The following CCDC169 variants were observed in gnomAD, a reference collection of about 807,000 sequenced individuals.
CCDC169 encodes the protein coiled-coil domain-containing protein 169.
In CCDC169, 30 loss-of-function variants were observed where a neutral mutation model predicts 36.0. The observed-to-expected ratio is 0.83, with a 90% CI of 0.62 to 1.13. CCDC169 has a LOEUF of 1.13. Among genes scored for constraint, CCDC169 ranks in the 50% most tolerant of loss-of-function variants. The pLI is 0.00. For synonymous variants in CCDC169, 85 were observed against 81.5 expected (o/e 1.04, Z -0.23); for missense variants, 245 against 245.9 (o/e 1.00, Z 0.03).
chr13:36,237,521 A>G (rs1235620543), intron 7 of CCDC169, among the ~76,000 whole-genome samples: 1 of 152,202 alleles, frequency 6.6e-6, no homozygotes, highest in East Asian at 1.9e-4. Flanking sequence ...AATAGTGAAG[A>G]GGTGTAAACA....
chr13:36,263,769 A>G (rs145355593), intron 4 of CCDC169, among the ~76,000 whole-genome samples: 317 of 152,338 alleles, frequency 2.1e-3, no homozygotes, highest in South Asian at 9.3e-3. Context: ...CCCCAAATAC[A>G]AATTTGCTCC....
intron 7 of CCDC169, among the ~76,000 whole-genome samples, chr13:36,240,391 C>T (rs146824776): frequency 0.011 from 1,617 of 152,026 alleles, 20 homozygotes; most frequent in African/African-American, 0.036. Context: ...TATAGGTAAG[C>T]GTTTTTCTAT....
downstream of CCDC169, chr13:36,227,523 C>G: frequency 1.3e-6 from 1 of 782,860 alleles, no homozygotes. Flanking sequence ...AATAAAAGCT[C>G]TATACCCAGT....
At chr13:36,293,084 GGA>G (rs1879100439) in intron 2 of CCDC169, among the ~76,000 whole-genome samples, 1 of 149,004 alleles carries the variant, frequency 6.7e-6, no homozygotes, top group Non-Finnish European at 1.5e-5. Flanking sequence ...GTGATTGAGT[GGA>G]GAGGTGGTAG....
downstream of CCDC169, chr13:36,225,048 C>T (rs1869790784): frequency 6.6e-6 from 1 of 152,100 alleles, no homozygotes; most frequent in Non-Finnish European, 1.5e-5. Flanking sequence ...GGAAAGGACT[C>T]CCTATTCAAC....
At chr13:36,234,294 G>A (rs541751584) in intron 7 of CCDC169, among the ~76,000 whole-genome samples, 21 of 152,154 alleles carry the variant, frequency 1.4e-4, no homozygotes, top group South Asian at 1.2e-3. Context: ...CTTCAGGGGC[G>A]AAGAGCCTAT....
At chr13:36,246,546 C>A (rs775048483) in intron 7 of CCDC169, among the ~76,000 whole-genome samples, 5 of 152,186 alleles carry the variant, frequency 3.3e-5, no homozygotes, top group Non-Finnish European at 5.9e-5. Flanking sequence ...TGGAAGCCAG[C>A]AGAGGATGGT....
intron 7 of CCDC169, among the ~76,000 whole-genome samples, chr13:36,241,420 T>A (rs1389739495): frequency 6.6e-6 from 1 of 152,184 alleles, no homozygotes; most frequent in Non-Finnish European, 1.5e-5. Flanking sequence ...CCATTGGTAT[T>A]AATAATTACT....
Sources: gnomAD v4.1 joint callset for allele counts (sites outside exome capture counted in the v4.1 genomes callset) on GRCh38, gnomAD v4.1.1 for gene constraint, MANE v1.5 for transcripts, NCBI Gene and HGNC (gene_info 2026-07-23, HGNC 2026-07-21) for gene names.